Variants in TNRC6A observed in about 807,000 individuals in gnomAD.
TNRC6A encodes trinucleotide repeat-containing gene 6A protein.
TNRC6A carries 44 observed loss-of-function variants against 221.2 expected under a neutral mutation model. The observed-to-expected ratio is 0.20, with a 90% CI of 0.16 to 0.26. The LOEUF (loss-of-function observed/expected upper bound fraction) is 0.26. TNRC6A is among the 10% of genes least tolerant of loss of function. TNRC6A has a pLI of 1.00. For missense variants in TNRC6A, 2,199 were observed against 2,404.4 expected (o/e 0.91, Z 1.79); for synonymous variants, 847 against 838.5 (o/e 1.01, Z -0.18).
chr16:24,820,049 C>T (rs1447102689), intron 21 of TNRC6A, 90 bp from the exon 22 acceptor site: 11 of 1,244,682 alleles, frequency 8.8e-6, no homozygotes, highest in Non-Finnish European at 1.2e-5. Context: ...GTTAGATTTG[C>T]TTTTTGTGGG....
At chr16:24,673,648 C>T (rs1040225142) in intron 2 of TNRC6A, among the ~76,000 whole-genome samples, 7 of 152,164 alleles carry the variant, frequency 4.6e-5, no homozygotes, top group Non-Finnish European at 1.0e-4. Context: ...GCAGCCTCAA[C>T]CTCCCTGGTT....
chr16:24,787,753 C>A (rs889270213), intron 5 of TNRC6A, among the ~76,000 whole-genome samples: 2 of 152,168 alleles, frequency 1.3e-5, no homozygotes, highest in Admixed American at 6.5e-5. Flanking sequence ...CTTTTCCAGA[C>A]TGTTTCCAGA....
chr16:24,784,624 T>G (rs2057927704), intron 5 of TNRC6A, among the ~76,000 whole-genome samples: 1 of 152,262 alleles, frequency 6.6e-6, no homozygotes, highest in East Asian at 1.9e-4. Context: ...GCCAAACGAA[T>G]TTTTTTTCCT....
At chr16:24,781,245 G>A (rs559922762) in intron 5 of TNRC6A, among the ~76,000 whole-genome samples, 1 of 151,880 alleles carries the variant, frequency 6.6e-6, no homozygotes, top group Admixed American at 6.6e-5. Context: ...GTTTTGTAGA[G>A]ATGGGGTTTT....
At chr16:24,691,632 G>A (rs1023612818) in intron 2 of TNRC6A, among the ~76,000 whole-genome samples, 1 of 152,062 alleles carries the variant, frequency 6.6e-6, no homozygotes, top group African/African-American at 2.4e-5. Context: ...GCCAGGCGTG[G>A]TGGTGCATGC....
intron 11 of TNRC6A, among the ~76,000 whole-genome samples, chr16:24,801,262 A>G (rs1464956568): frequency 6.6e-6 from 1 of 152,196 alleles, no homozygotes; most frequent in Non-Finnish European, 1.5e-5. Flanking sequence ...CTGGGGAATA[A>G]TGGCATTTAG....
chr16:24,780,812 T>C (rs1401377930), intron 5 of TNRC6A, among the ~76,000 whole-genome samples: 1 of 152,068 alleles, frequency 6.6e-6, no homozygotes, highest in Admixed American at 6.5e-5. Flanking sequence ...TGACCAATAA[T>C]TGGGATGTTT....
chr16:24,702,646 A>G (rs9935167), intron 2 of TNRC6A, among the ~76,000 whole-genome samples: 76,278 of 151,940 alleles, frequency 0.5, 20,730 homozygotes, highest in East Asian at 0.86. Context: ...GGGCACGGTG[A>G]CACCTCTTGA....
At chr16:24,731,139 A>G (rs899541835) in intron 2 of TNRC6A, among the ~76,000 whole-genome samples, 1 of 151,420 alleles carries the variant, frequency 6.6e-6, no homozygotes, top group Non-Finnish European at 1.5e-5. Context: ...TTTCTTTTGC[A>G]TCATATTGGG....
At chr16:24,638,384 T>C (rs1901749716) in intron 1 of TNRC6A, among the ~76,000 whole-genome samples, 1 of 151,840 alleles carries the variant, frequency 6.6e-6, no homozygotes, top group African/African-American at 2.4e-5. Context: ...ACCACTGCAC[T>C]CCAACCTGGG....
chr16:24,722,898 T>A (rs1223475970), intron 2 of TNRC6A, among the ~76,000 whole-genome samples: 1 of 152,134 alleles, frequency 6.6e-6, no homozygotes, highest in South Asian at 2.1e-4. Flanking sequence ...GCTTATACAT[T>A]GCATGAGAGG....
chr16:24,734,359 T>C (rs534147731), intron 2 of TNRC6A, among the ~76,000 whole-genome samples: 7 of 152,128 alleles, frequency 4.6e-5, no homozygotes, highest in Non-Finnish European at 7.4e-5. Context: ...AAATAGGAGT[T>C]TGGGGAGAGA....
chr16:24,712,564 G>C (rs1024276220), intron 2 of TNRC6A, among the ~76,000 whole-genome samples: 2 of 143,792 alleles, frequency 1.4e-5, no homozygotes, highest in Admixed American at 1.4e-4. Flanking sequence ...TAGATAATAA[G>C]AAAAATGTTT....
intron 1 of TNRC6A, among the ~76,000 whole-genome samples, chr16:24,626,402 C>G (rs1045809672): frequency 1.3e-5 from 2 of 151,992 alleles, no homozygotes; most frequent in African/African-American, 4.8e-5. Flanking sequence ...AGAAGCTGCC[C>G]GCATGACTCA....
chr16:24,690,453 T>C (rs1340757878), intron 2 of TNRC6A, among the ~76,000 whole-genome samples: 1 of 152,202 alleles, frequency 6.6e-6, no homozygotes, highest in Non-Finnish European at 1.5e-5. Context: ...CTTTCTGTAT[T>C]CTATGGCAAA....
At chr16:24,647,375 C>T (rs1351792671) in intron 2 of TNRC6A, among the ~76,000 whole-genome samples, 1 of 152,024 alleles carries the variant, frequency 6.6e-6, no homozygotes, top group Non-Finnish European at 1.5e-5. Context: ...TTATAGCTGG[C>T]CAAAGTTATA....
intron 9 of TNRC6A, 56 bp from the exon 10 acceptor site, chr16:24,797,434 T>A: frequency 1.5e-6 from 2 of 1,328,048 alleles, no homozygotes; most frequent in Non-Finnish European, 1.1e-6. Context: ...TCCGTCACTA[T>A]ACCCAGATAA....
chr16:24,660,525 A>G (rs2055005626), intron 2 of TNRC6A, among the ~76,000 whole-genome samples: 2 of 151,884 alleles, frequency 1.3e-5, no homozygotes, highest in African/African-American at 4.8e-5. Flanking sequence ...GCAGTTGTGA[A>G]TAGTGTGAAT....
chr16:24,795,602 C>G (rs2058202113), intron 8 of TNRC6A: 3 of 324,924 alleles, frequency 9.2e-6, no homozygotes, highest in Non-Finnish European at 1.7e-5. Context: ...CACTTTTAAT[C>G]CTGGGATTCT....
Sources: gnomAD v4.1 joint callset for allele counts (sites outside exome capture counted in the v4.1 genomes callset) on GRCh38, gnomAD v4.1.1 for gene constraint, MANE v1.5 for transcripts, NCBI Gene and HGNC (gene_info 2026-07-23, HGNC 2026-07-21) for gene names.